Variants in PDE10A observed in about 807,000 individuals in gnomAD.
The protein encoded by PDE10A is cAMP and cAMP-inhibited cGMP 3',5'-cyclic phosphodiesterase 10A.
Under a neutral mutation model 97.7 loss-of-function variants are expected in PDE10A, and 39 were observed. That is an observed-to-expected ratio of 0.40 (90% confidence interval 0.31 to 0.52). PDE10A has a LOEUF of 0.52. PDE10A is among the 20% of genes least tolerant of loss of function. PDE10A has a pLI of 0.56. For synonymous variants in PDE10A, 371 were observed against 376.8 expected (o/e 0.98, Z 0.18); for missense variants, 731 against 1,047.8 (o/e 0.70, Z 4.17).
At chr6:165,740,839 G>A (rs1036894474) in intron 1 of PDE10A, among the ~76,000 whole-genome samples, 5 of 152,200 alleles carry the variant, frequency 3.3e-5, no homozygotes, top group Non-Finnish European at 7.3e-5. Context: ...TCTCATGGAA[G>A]TAGAGAGTAG....
intron 1 of PDE10A, among the ~76,000 whole-genome samples, chr6:165,643,783 G>A (rs1789257935): frequency 6.6e-6 from 1 of 152,102 alleles, no homozygotes; most frequent in Admixed American, 6.5e-5. Context: ...TGCACAGCAT[G>A]GTTACCATGG....
chr6:165,713,198 C>T (rs1216236633), intron 1 of PDE10A, among the ~76,000 whole-genome samples: 1 of 152,144 alleles, frequency 6.6e-6, no homozygotes, highest in Non-Finnish European at 1.5e-5. Flanking sequence ...CACGAGTGCC[C>T]GTGGGGTTCA....
At chr6:165,568,190 G>C (rs1010703193) in intron 1 of PDE10A, among the ~76,000 whole-genome samples, 1 of 151,892 alleles carries the variant, frequency 6.6e-6, no homozygotes, top group Non-Finnish European at 1.5e-5. Context: ...TAGTAGAGAC[G>C]GGGTTTCACC....
chr6:165,603,512 CAG>C (rs1169166343), intron 1 of PDE10A, among the ~76,000 whole-genome samples: 1 of 152,208 alleles, frequency 6.6e-6, no homozygotes, highest in Non-Finnish European at 1.5e-5. Context: ...TTCTGAGTAA[CAG>C]AGGGAAGTCT....
At chr6:165,897,442 T>C (rs1204821283) in intron 1 of PDE10A, among the ~76,000 whole-genome samples, 1 of 150,780 alleles carries the variant, frequency 6.6e-6, no homozygotes, top group Non-Finnish European at 1.5e-5. Context: ...ATAGGGAGGG[T>C]CCCAGGGAGG....
intron 1 of PDE10A, among the ~76,000 whole-genome samples, chr6:165,827,710 A>AT (rs1477018273): frequency 6.6e-6 from 1 of 152,132 alleles, no homozygotes; most frequent in Non-Finnish European, 1.5e-5. Flanking sequence ...TGGCTACATG[A>AT]GTAAGTTCTT....
intron 1 of PDE10A, among the ~76,000 whole-genome samples, chr6:165,971,812 G>A (rs939184295): frequency 6.6e-6 from 1 of 152,078 alleles, no homozygotes; most frequent in Admixed American, 6.5e-5. Flanking sequence ...TGGCATTTTG[G>A]CAGCCACAGA....
intron 1 of PDE10A, among the ~76,000 whole-genome samples, chr6:165,659,077 G>A (rs1583735121): frequency 6.6e-6 from 1 of 152,314 alleles, no homozygotes; most frequent in Non-Finnish European, 1.5e-5. Context: ...TGGTGCATGA[G>A]TGAGCGAACC....
At chr6:165,346,344 G>A (rs1181186026) in intron 18 of PDE10A, among the ~76,000 whole-genome samples, 1 of 152,064 alleles carries the variant, frequency 6.6e-6, no homozygotes, top group African/African-American at 2.4e-5. Context: ...TAGAGGTAGA[G>A]CCAAATGCAA....
intron 1 of PDE10A, among the ~76,000 whole-genome samples, chr6:165,767,348 T>C (rs2128459209): frequency 1.3e-5 from 2 of 152,356 alleles, no homozygotes; most frequent in South Asian, 4.1e-4. Context: ...TTTTAGTATC[T>C]TCACAAGGTT....
rs547775084 is a variant in PDE10A, at chr6:165,879,776, AT to A, written c.-615+107752del. ...TTATATTTACCGTTTTATTTATATGATTTTTTTGTCACAGTTTTTAAAAATT... is the reference window on the plus strand; with the variant it reads ...TTATATTTACCGTTTTATTTATATGATTTTTTGTCACAGTTTTTAAAAATT... On this transcript the variant is annotated intron_variant, in intron 1 of 19. Coordinates refer to the PDE10A transcript ENST00000366882. Among the ~76,000 whole-genome samples the A allele has an allele frequency of 6.6e-5, 10 of 152,132 alleles. No homozygotes were observed. In the East Asian group the frequency reaches 1.5e-3, roughly 24 times the overall value.
At chr6:165,665,427 G>A (rs1790473864), upstream of PDE10A, among the ~76,000 whole-genome samples, 1 of 152,158 alleles carries the variant, frequency 6.6e-6, no homozygotes, top group African/African-American at 2.4e-5. Context: ...AGAGGGCTGT[G>A]ACACTACACT....
intron 19 of PDE10A, among the ~76,000 whole-genome samples, chr6:165,340,477 T>C (rs1271377586): frequency 6.6e-6 from 1 of 152,224 alleles, no homozygotes; most frequent in Non-Finnish European, 1.5e-5. Context: ...TGCTGTTCCA[T>C]TGTTACCACT....
At chr6:165,858,570 G>T (rs1780814154) in intron 1 of PDE10A, among the ~76,000 whole-genome samples, 1 of 152,190 alleles carries the variant, frequency 6.6e-6, no homozygotes, top group African/African-American at 2.4e-5. Flanking sequence ...TTGCCCCCGA[G>T]GTCCACAGCA....
chr6:165,564,281 GA>G (rs1784667343), intron 1 of PDE10A, among the ~76,000 whole-genome samples: 1 of 152,132 alleles, frequency 6.6e-6, no homozygotes, highest in African/African-American at 2.4e-5. Flanking sequence ...TCCTTATTAA[GA>G]AAAGATTGGG....
intron 18 of PDE10A, among the ~76,000 whole-genome samples, chr6:165,375,441 C>A (rs567374400): frequency 1.3e-5 from 2 of 152,144 alleles, no homozygotes; most frequent in Non-Finnish European, 2.9e-5. Flanking sequence ...TTCTGTGACA[C>A]CTGGGAGATG....
chr6:165,576,530 C>T (rs895753500), intron 1 of PDE10A: 8 of 740,560 alleles, frequency 1.1e-5, no homozygotes, highest in Non-Finnish European at 2.0e-5. Context: ...TATATCTATA[C>T]CATTAGCTTC....
chr6:165,716,635 G>A (rs1378305378), intron 1 of PDE10A, among the ~76,000 whole-genome samples: 3 of 152,272 alleles, frequency 2.0e-5, no homozygotes, highest in South Asian at 2.1e-4. Flanking sequence ...AAGCCCTGGA[G>A]AAGAATGGAA....
chr6:165,862,924 C>T (rs1013507010), intron 1 of PDE10A, among the ~76,000 whole-genome samples: 7 of 152,228 alleles, frequency 4.6e-5, no homozygotes, highest in African/African-American at 1.7e-4. Context: ...AAGTGATCTG[C>T]CCGCCTTTGC....
Sources: allele counts gnomAD v4.1 joint callset (sites outside exome capture counted in the v4.1 genomes callset), GRCh38; gene constraint gnomAD v4.1.1; transcripts MANE v1.5; gene names NCBI Gene and HGNC (gene_info 2026-07-23, HGNC 2026-07-21).